Variants in SIRPB1 observed in about 807,000 individuals in gnomAD.
SIRPB1 encodes signal-regulatory protein beta-1.
A neutral mutation model predicts 34.1 loss-of-function variants in SIRPB1; 28 were observed. The observed-to-expected ratio is 0.82, with a 90% CI of 0.61 to 1.12. The LOEUF (loss-of-function observed/expected upper bound fraction) is 1.12, where lower values mean the gene tolerates loss of function less well. Among genes scored for constraint, SIRPB1 ranks in the 50% most tolerant of loss-of-function variants. SIRPB1 has a pLI of 0.00. For synonymous variants in SIRPB1, 211 were observed against 203.8 expected, an observed-to-expected ratio of 1.04 and a Z score of -0.30; for missense variants, 499 against 507.0, an observed-to-expected ratio of 0.98 and a Z score of 0.15.
At chr20:1,566,067 A>AGCTGCAT (rs2091126437) in intron 5 of SIRPB1, 86 bp downstream of exon 5, 1 of 795,926 alleles carries the variant, frequency 1.3e-6, no homozygotes, top group Non-Finnish European at 2.1e-6. Flanking sequence ...CTGACCCTGA[A>AGCTGCAT]GCTGCATGGC....
In SIRPB1 at chr20:1,562,244, GAGTAGTCTTTAA is replaced by G; in HGVS notation, c.*3244_*3255del. On this transcript the variant is annotated 3_prime_UTR_variant, in exon 6 of 6. Coordinates refer to ENST00000381605, the MANE Select transcript of SIRPB1 (RefSeq NM_006065.5). ...GAATGTTTTAAACAGAAAGAAGAGAGAGTAGTCTTTAAAGAAAGAGCTTGAGAATACAGCACA... is the reference window on the plus strand; with the variant it reads ...GAATGTTTTAAACAGAAAGAAGAGAGAGAAAGAGCTTGAGAATACAGCACA... Among the ~76,000 whole-genome samples the G allele has an allele frequency of 1.3e-5, 2 of 152,272 alleles. No homozygotes were observed. The highest frequency in any genetic ancestry group is 3.4e-3 in the Middle Eastern group (1 of 294).
At position 1,578,476 on chromosome 20, in the gene SIRPB1, T is replaced by TTC. The variant is rs748938211; in HGVS notation, c.293_294dup (p.Asn99GlufsTer24). 6.5e-7 allele frequency: 1 copy of TTC among 1,535,020 alleles called. No individual in the cohort carries two copies. The highest frequency in any genetic ancestry group is 1.4e-5 in the African/African-American group (1 of 73,016). Reference sequence around the variant, plus strand: ...ATGCTGATGGAAAAGTCCAGGTTGTTTCTCTTTGTGAGTTCTGAAACAGTT... The same window carrying TTC: ...ATGCTGATGGAAAAGTCCAGGTTGTTTCTCTCTTTGTGAGTTCTGAAACAGTT... On this transcript the variant is annotated frameshift_variant, in exon 2 of 6. Transcript: ENST00000381605. LOFTEE classifies it high-confidence loss of function.
At chr20:1,613,674 T>C (rs1190622421) in intron 1 of SIRPB1, among the ~76,000 whole-genome samples, 4 of 152,166 alleles carry the variant, frequency 2.6e-5, no homozygotes, top group Non-Finnish European at 5.9e-5. Context: ...ATTGAAATTA[T>C]TGAGACTGAG....
At chr20:1,586,268 A>G (rs563589804) in intron 1 of SIRPB1, among the ~76,000 whole-genome samples, 1 of 49,490 alleles carries the variant, frequency 2.0e-5, no homozygotes, top group South Asian at 7.3e-4. Context: ...AAAATTGTCA[A>G]TATGTAAGAT....
At chr20:1,572,289 C>G (rs1424770574) in intron 2 of SIRPB1, among the ~76,000 whole-genome samples, 1 of 152,116 alleles carries the variant, frequency 6.6e-6, no homozygotes, top group Non-Finnish European at 1.5e-5. Context: ...AAAGTCCTCT[C>G]CACACAGGGA....
intron 1 of SIRPB1, among the ~76,000 whole-genome samples, chr20:1,579,491 C>T (rs2091371456): frequency 6.7e-6 from 1 of 148,386 alleles, no homozygotes; most frequent in Non-Finnish European, 1.5e-5. Flanking sequence ...CTCTGTGGAT[C>T]AATTTCTCCC....
At chr20:1,578,159 C>T (rs1447402071) in intron 2 of SIRPB1, 179 bp downstream of exon 2, 2 of 689,020 alleles carry the variant, frequency 2.9e-6, no homozygotes, top group Non-Finnish European at 2.4e-6. Context: ...GAGCCTCGAG[C>T]GACTGCCATG....
rs2122141383 is a variant in SIRPB1 at position 1,561,629 on chromosome 20, A to G, written c.*3871T>C. On this transcript the variant is annotated 3_prime_UTR_variant, in exon 6 of 6. Transcript: ENST00000381605. ...TTTGTCTGATGTTTTCCTCATGATTAGATTGGGGTTGTGAGTTTTGGGGGG... is the reference window on the plus strand; with the variant it reads ...TTTGTCTGATGTTTTCCTCATGATTGGATTGGGGTTGTGAGTTTTGGGGGG... Among the ~76,000 whole-genome samples the G allele has an allele frequency of 6.6e-6, 1 of 152,222 alleles. No individual in the cohort carries two copies. The highest frequency in any genetic ancestry group is 2.4e-5 in the African/African-American group (1 of 41,522).
In SIRPB1 at chr20:1,588,801, G is replaced by A; in HGVS notation, c.77-10107C>T. 9.3e-6 allele frequency: 2 copies of A among 215,486 alleles called. 1 individual carries two copies. The allele number at this position is 215,486 out of a possible 1,614,324, so 13.3% of individuals were successfully genotyped here. On this transcript the variant is annotated intron_variant, in intron 1 of 5. Coordinates refer to ENST00000381605, the MANE Select transcript of SIRPB1 (RefSeq NM_006065.5). ...GATTGTAACTTAGAAATCAGGCACA[G>A]CAGGCAGCTACAAAGCACAGAGTTA...
At chr20:1,618,917 C>G (rs1220834868) in intron 1 of SIRPB1, among the ~76,000 whole-genome samples, 1 of 152,224 alleles carries the variant, frequency 6.6e-6, no homozygotes, top group East Asian at 1.9e-4. Context: ...TGTTGAAGCT[C>G]TAATCCCCAG....
rs1333081719 is a variant in SIRPB1 at position 1,562,767 on chromosome 20, ATAG to A, written c.*2730_*2732del. ...CTCTCCTACTCAAACAGCAAATCCT[ATAG>A]TTGGGTTGCCTCCTTGCCTCCCAGT... is the stretch of plus-strand genomic sequence containing the variant. On this transcript the variant is annotated 3_prime_UTR_variant, in exon 6 of 6. Transcript: ENST00000381605. Among the ~76,000 whole-genome samples, 3 of 152,208 alleles carry A rather than the reference ATAG, an allele frequency of 2.0e-5. No homozygotes were observed. The highest frequency in any genetic ancestry group is 2.1e-4 in the South Asian group (1 of 4,830).
In SIRPB1 at chr20:1,570,991, T is replaced by C. The variant is rs754663358; in HGVS notation, c.898A>G (p.Thr300Ala). The C allele has an allele frequency of 6.8e-6, 11 of 1,614,036 alleles. No homozygotes were observed. In the South Asian group the frequency reaches 1.1e-4, roughly 16 times the overall value. ...GNVSRTETAS[T>A]LIENKDGTYN... ...GTGCCATCCTTGTTCTCTATGAGGGTCGAAGCTGTTTCTGTCCGGGACACA... is the reference window on the plus strand; with the variant it reads ...GTGCCATCCTTGTTCTCTATGAGGGCCGAAGCTGTTTCTGTCCGGGACACA... The change falls in exon 4 of 6, where the codon ACC (threonine) becomes GCC (alanine). Residue 300 changes from threonine to alanine, a missense_variant. Physicochemically the swap from Thr to Ala is moderately conservative, Grantham distance 58 (BLOSUM62 0). Transcript: ENST00000381605.
At chr20:1,619,426 C>A (rs1481381982) in intron 1 of SIRPB1, among the ~76,000 whole-genome samples, 2 of 152,136 alleles carry the variant, frequency 1.3e-5, no homozygotes, top group African/African-American at 2.4e-5. Flanking sequence ...ATACACCACA[C>A]CACTGCCCTA....
At position 1,619,960 on chromosome 20, in the gene SIRPB1, A is replaced by G; in HGVS notation, c.-16T>C. The G allele has an allele frequency of 4.3e-6, 7 of 1,610,762 alleles. No homozygotes were observed. Among genetic ancestry groups the G allele is most frequent in the Non-Finnish European group, 5.9e-6 (7 of 1,178,408 alleles). On this transcript the variant is annotated 5_prime_UTR_variant, in exon 1 of 6. Coordinates refer to ENST00000381605, the MANE Select transcript of SIRPB1 (RefSeq NM_006065.5). ...GCACGGGCATTCTGGAGACCTTAGG[A>G]GCCTGCTCTGTCCAAACGTCTGTGC...
intron 4 of SIRPB1, among the ~76,000 whole-genome samples, chr20:1,569,099 A>G (rs2091186230): frequency 6.6e-6 from 1 of 152,236 alleles, no homozygotes; most frequent in Non-Finnish European, 1.5e-5. Flanking sequence ...AAATGGACCA[A>G]AAGTTATGCA....
rs1420900058 is a variant in SIRPB1, at chr20:1,562,377, A to T, written c.*3123T>A. Among the ~76,000 whole-genome samples the T allele has an allele frequency of 6.6e-6, 1 of 152,220 alleles. No homozygotes were observed. The highest frequency in any genetic ancestry group is 1.5e-5 in the Non-Finnish European group (1 of 68,034). ...ATGATGTATTCACTCATTTAAAAAA[A>T]TTGACAGCCTATTATATGGCAGACA... On this transcript the variant is annotated 3_prime_UTR_variant, in exon 6 of 6. Coordinates refer to ENST00000381605, the MANE Select transcript of SIRPB1 (RefSeq NM_006065.5).
In SIRPB1 at chr20:1,564,154, A is replaced by G. The variant is rs374586761; in HGVS notation, c.*1346T>C. 6 of 152,262 alleles carry G rather than the reference A, an allele frequency of 3.9e-5. No homozygotes were observed. The highest frequency in any genetic ancestry group is 1.4e-4 in the African/African-American group (6 of 41,524). 9.4% of individuals were successfully genotyped at this position (152,262 alleles called of 1,614,324 possible). On this transcript the variant is annotated 3_prime_UTR_variant, in exon 6 of 6. Transcript: ENST00000381605. ...GTGAGAGTTTCTAATATTTTGACAA[A>G]AAATGGTAAAGGTCACAGAATGATC...
intron 4 of SIRPB1, among the ~76,000 whole-genome samples, chr20:1,567,831 AAG>A (rs1568680597): frequency 2.0e-5 from 3 of 152,256 alleles, no homozygotes; most frequent in African/African-American, 7.2e-5. Flanking sequence ...ATGAGAAACT[AAG>A]AGTGATTCAT....
rs1198652399 is a variant in SIRPB1 at position 1,570,886 on chromosome 20, C to CA, written c.1002dup (p.Asp335Ter). 6.2e-7 allele frequency: 1 copy of CA among 1,614,116 alleles called. No homozygotes were observed. Among genetic ancestry groups the CA allele is most frequent in the African/African-American group, 1.3e-5 (1 of 74,932 alleles). On this transcript the variant is annotated frameshift_variant, in exon 4 of 6. Coordinates refer to ENST00000381605, the MANE Select transcript of SIRPB1 (RefSeq NM_006065.5). LOFTEE classifies it high-confidence loss of function. ...CTTTTGCTGACTGCTTGCTGCCCAT[C>CA]ATGCTCCACCTGACAGGTGAGCACC...
Sources: gnomAD v4.1 joint callset for allele counts (sites outside exome capture counted in the v4.1 genomes callset) on GRCh38, gnomAD v4.1.1 for gene constraint, MANE v1.5 for transcripts, NCBI Gene and HGNC (gene_info 2026-07-23, HGNC 2026-07-21) for gene names.